The following INTS8 variants were observed in gnomAD, a reference collection of about 807,000 sequenced individuals.
INTS8 encodes protein kaonashi-1.
In INTS8, 47 loss-of-function variants were observed where a neutral mutation model predicts 138.9. The observed-to-expected ratio is 0.34, with a 90% CI of 0.27 to 0.43. The LOEUF is 0.43. Among genes scored for constraint, INTS8 ranks in the 20% least tolerant of loss-of-function variants. The pLI, the probability that INTS8 is intolerant of heterozygous loss-of-function variation, is 1.00. For missense variants in INTS8, 996 were observed against 1,173.0 expected (o/e 0.85, Z 2.20); for synonymous variants, 392 against 400.9 (o/e 0.98, Z 0.27).
chr8:94,840,959 C>G (rs1234226665), intron 8 of INTS8, among the ~76,000 whole-genome samples: 2 of 148,564 alleles, frequency 1.3e-5, no homozygotes, highest in Non-Finnish European at 3.0e-5. Flanking sequence ...GTCACCCAGG[C>G]TGGAGTGCAG....
chr8:94,860,231 A>T (rs932636573), intron 16 of INTS8: 1 of 152,096 alleles, frequency 6.6e-6, no homozygotes, highest in East Asian at 1.9e-4. Flanking sequence ...TGTTAATATT[A>T]TACACACTCT....
chr8:94,834,421 C>G (rs1045956592), intron 6 of INTS8, among the ~76,000 whole-genome samples: 7 of 150,394 alleles, frequency 4.7e-5, no homozygotes, highest in African/African-American at 1.5e-4. Flanking sequence ...TTTAGTATCC[C>G]TTTACTCCAG....
rs774541953 is a variant in INTS8, at chr8:94,842,302, T to C, written c.1119-45T>C. 3.8e-6 allele frequency: 5 copies of C among 1,329,192 alleles called. No individual in the cohort carries two copies. The African/African-American group carries it at 7.4e-5, about 20-fold the overall frequency. 82.3% of individuals were successfully genotyped at this position (1,329,192 alleles called of 1,614,324 possible). On this transcript the variant is annotated intron_variant, in intron 9 of 26. Coordinates refer to ENST00000523731, the MANE Select transcript of INTS8 (RefSeq NM_017864.4). ...TAGTTGTATAATATACACCTTTCTT[T>C]TGTAGTAAAAATAACATTAGTTGAT... is the stretch of plus-strand genomic sequence containing the variant.
chr8:94,869,720 T>A (rs1212781435), intron 20 of INTS8, among the ~76,000 whole-genome samples: 8 of 152,176 alleles, frequency 5.3e-5, no homozygotes, highest in Non-Finnish European at 1.2e-4. Flanking sequence ...CTCAAACTCC[T>A]GACCTTGTGA....
At position 94,880,843 on chromosome 8, in the gene INTS8, T is replaced by C. The variant is rs1816782514; in HGVS notation, c.*609T>C. On this transcript the variant is annotated 3_prime_UTR_variant, in exon 27 of 27. Transcript: ENST00000523731. ...TAAATAGTTTGAAAGGGTACTTAAG[T>C]TTTTCACCCAAATTGTGATATACAA... is the stretch of plus-strand genomic sequence containing the variant. 5.0e-6 allele frequency: 2 copies of C among 398,552 alleles called. No individual in the cohort carries two copies. Among genetic ancestry groups the C allele is most frequent in the East Asian group, 7.1e-5 (2 of 27,986 alleles). The allele number at this position is 398,552 out of a possible 1,614,324, so 24.7% of individuals were successfully genotyped here. A position where few individuals can be genotyped will look rare whatever the true frequency, so the allele number is the denominator to read the frequency against.
Position 94,880,706 on chromosome 8 carries a change from AT to A in INTS8, c.*475del. The A allele has an allele frequency of 2.5e-6, 1 of 395,156 alleles. No individual in the cohort carries two copies. Among genetic ancestry groups the A allele is most frequent in the East Asian group, 3.6e-5 (1 of 27,858 alleles). The allele number at this position is 395,156 out of a possible 1,614,324, so 24.5% of individuals were successfully genotyped here. A position where few individuals can be genotyped will look rare whatever the true frequency, so the allele number is the denominator to read the frequency against. On this transcript the variant is annotated 3_prime_UTR_variant, in exon 27 of 27. Transcript: ENST00000523731. ...ACTGTCCTTATCTCACAATGGAGGA[AT>A]TTAGAAAGGACCTTAACAGTTTCAC... is the stretch of plus-strand genomic sequence containing the variant.
chr8:94,853,227 A>G (rs562402677), intron 13 of INTS8, among the ~76,000 whole-genome samples: 1 of 152,222 alleles, frequency 6.6e-6, no homozygotes, highest in Admixed American at 6.5e-5. Context: ...CAGGAGAATC[A>G]CTTGAACCTG....
At chr8:94,827,908 GA>G (rs2130992294) in intron 4 of INTS8, 115 bp downstream of exon 4, 1 of 852,238 alleles carries the variant, frequency 1.2e-6, no homozygotes, top group African/African-American at 1.7e-5. Context: ...TAGGAGGGCA[GA>G]AGGCCTGTGT....
intron 18 of INTS8, 182 bp from the exon 19 acceptor site, chr8:94,866,958 C>T (rs1293104231): frequency 1.8e-6 from 1 of 555,966 alleles, no homozygotes; most frequent in African/African-American, 1.9e-5. Flanking sequence ...ATGGTCCACG[C>T]CCCGCCCCCA....
chr8:94,873,537 C>A (rs559211840), intron 22 of INTS8, 60 bp downstream of exon 22: 1 of 1,078,280 alleles, frequency 9.3e-7, no homozygotes, highest in South Asian at 1.3e-5. Flanking sequence ...CTTCCTGGGT[C>A]CCCTTTTGGC....
At chr8:94,880,036 C>G in intron 26 of INTS8, 82 bp from the exon 27 acceptor site, 1 of 868,220 alleles carries the variant, frequency 1.2e-6, no homozygotes, top group Non-Finnish European at 1.9e-6. Context: ...GTTGTTAGCA[C>G]GTAGGTAGCT....
At chr8:94,851,197 TAAC>T (rs1815530779) in intron 12 of INTS8, among the ~76,000 whole-genome samples, 1 of 151,882 alleles carries the variant, frequency 6.6e-6, no homozygotes, top group African/African-American at 2.4e-5. Flanking sequence ...ATGCTTCTGT[TAAC>T]ACATTATATT....
chr8:94,824,632 T>G (rs1814412906), intron 1 of INTS8, among the ~76,000 whole-genome samples: 1 of 152,038 alleles, frequency 6.6e-6, no homozygotes, highest in Non-Finnish European at 1.5e-5. Flanking sequence ...TGCTTTTTTT[T>G]GCTTTCTTCC....
At chr8:94,875,920 G>C (rs768055047) in intron 23 of INTS8, 154 bp from the exon 24 acceptor site, 136 of 618,322 alleles carry the variant, frequency 2.2e-4, no homozygotes, top group Non-Finnish European at 3.5e-4. Flanking sequence ...ACAGACACGT[G>C]TATAAAGGTT....
chr8:94,838,651 T>C (rs763248667), intron 8 of INTS8, 33 bp downstream of exon 8: 5 of 1,574,480 alleles, frequency 3.2e-6, no homozygotes, highest in East Asian at 4.5e-5. Context: ...AGTGAAGTTT[T>C]GGAAGCCAGA....
In INTS8 at chr8:94,847,320, G is replaced by A. The variant is rs576132562; in HGVS notation, c.1261-2142G>A. ...GCCTCCCAAAGTGCCTGGATTACAG[G>A]TGTGAGCCATGACACCTGGCCGATG... On this transcript the variant is annotated intron_variant, in intron 10 of 26. Coordinates refer to ENST00000523731, the MANE Select transcript of INTS8 (RefSeq NM_017864.4). Among the ~76,000 whole-genome samples, 16 of 152,294 alleles carry A rather than the reference G, an allele frequency of 1.1e-4. No homozygotes were observed. In the East Asian group the frequency reaches 3.1e-3, roughly 29 times the overall value.
intron 16 of INTS8, among the ~76,000 whole-genome samples, chr8:94,860,518 T>C (rs1297977248): frequency 7.1e-6 from 1 of 141,724 alleles, no homozygotes; most frequent in Admixed American, 7.5e-5. Flanking sequence ...AGGCAGAGTT[T>C]GCGTGAGCTG....
At chr8:94,873,701 T>G in intron 22 of INTS8, 1 of 466,328 alleles carries the variant, frequency 2.1e-6, no homozygotes, top group Non-Finnish European at 3.8e-6. Context: ...CCAAACTGAT[T>G]TGTGTCTGTC....
At chr8:94,847,504 A>C (rs1215188449) in intron 10 of INTS8, among the ~76,000 whole-genome samples, 2 of 152,058 alleles carry the variant, frequency 1.3e-5, no homozygotes, top group Non-Finnish European at 2.9e-5. Context: ...TTTACCAGTA[A>C]AGTCTGGGCC....
Sources: gnomAD v4.1 joint callset for allele counts (sites outside exome capture counted in the v4.1 genomes callset) on GRCh38, gnomAD v4.1.1 for gene constraint, MANE v1.5 for transcripts, NCBI Gene and HGNC (gene_info 2026-07-23, HGNC 2026-07-21) for gene names.